Variants in GPM6A observed in about 807,000 individuals in gnomAD.
The protein encoded by GPM6A is glycoprotein M6A.
GPM6A carries 7 observed loss-of-function variants against 32.1 expected under a neutral mutation model. That is an observed-to-expected ratio of 0.22 (90% CI 0.12 to 0.41). The LOEUF (loss-of-function observed/expected upper bound fraction) is 0.41. Ranked by LOEUF, GPM6A falls within the 10% of genes least tolerant of loss-of-function variation. The pLI, the probability that GPM6A is intolerant of heterozygous loss-of-function variation, is 1.00. For synonymous variants in GPM6A, 130 were observed against 123.4 expected (o/e 1.05, Z -0.35); for missense variants, 235 against 347.2 (o/e 0.68, Z 2.57).
At chr4:175,869,306 G>A (rs1736831999) in intron 1 of GPM6A, among the ~76,000 whole-genome samples, 1 of 151,934 alleles carries the variant, frequency 6.6e-6, no homozygotes, top group African/African-American at 2.4e-5. Context: ...CTAATATTAT[G>A]TTGATCTGCT....
chr4:175,925,804 A>G lies in GPM6A; in HGVS notation c.-23+76505T>C, dbSNP rs1029543892. ...TAGTTGTCAAAATTTACAAATGTGT[A>G]TGTGTATGTATTTATACCCAGATTC... is the stretch of plus-strand genomic sequence containing the variant. On this transcript the variant is annotated intron_variant, in intron 1 of 7. Transcript: ENST00000280187. Among the ~76,000 whole-genome samples, 12 of 150,632 alleles carry G rather than the reference A, an allele frequency of 8.0e-5. No individual in the cohort carries two copies. In the East Asian group the frequency reaches 2.3e-3, roughly 29 times the overall value.
At chr4:175,682,827 A>G (rs1743762429) in intron 2 of GPM6A, among the ~76,000 whole-genome samples, 1 of 152,208 alleles carries the variant, frequency 6.6e-6, no homozygotes, top group Non-Finnish European at 1.5e-5. Flanking sequence ...AGGATGTATG[A>G]GAAAGCCTGG....
chr4:175,863,876 C>T (rs552885425), intron 1 of GPM6A, among the ~76,000 whole-genome samples: 1 of 152,202 alleles, frequency 6.6e-6, no homozygotes, highest in East Asian at 1.9e-4. Context: ...TGGCAGATGC[C>T]TGTAATCCCA....
At chr4:175,773,353 C>T (rs1733264212) in intron 1 of GPM6A, among the ~76,000 whole-genome samples, 2 of 152,120 alleles carry the variant, frequency 1.3e-5, no homozygotes, top group Non-Finnish European at 2.9e-5. Flanking sequence ...GAAATTATTT[C>T]CAGAATTCAC....
chr4:175,829,690 T>C (rs1440059760), intron 1 of GPM6A, among the ~76,000 whole-genome samples: 3 of 146,912 alleles, frequency 2.0e-5, no homozygotes, highest in Non-Finnish European at 4.5e-5. Flanking sequence ...ATATATTACA[T>C]ATATGTATAT....
intron 3 of GPM6A, among the ~76,000 whole-genome samples, chr4:175,653,385 C>T (rs1009061535): frequency 6.6e-6 from 1 of 152,084 alleles, no homozygotes; most frequent in Admixed American, 6.6e-5. Flanking sequence ...ATTGTTTTAT[C>T]TCATCTCAAC....
At chr4:175,930,434 GTTTT>G (rs66737053) in intron 1 of GPM6A, among the ~76,000 whole-genome samples, 1 of 106,840 alleles carries the variant, frequency 9.4e-6, no homozygotes, top group African/African-American at 2.6e-5. Flanking sequence ...TTGGGGGGGG[GTTTT>G]TTTGTTGTTG....
intron 1 of GPM6A, among the ~76,000 whole-genome samples, chr4:175,877,558 A>G (rs1737123800): frequency 6.6e-6 from 1 of 152,096 alleles, no homozygotes; most frequent in Non-Finnish European, 1.5e-5. Context: ...GTGAAAGGGG[A>G]AGACCCTTAT....
intron 1 of GPM6A, among the ~76,000 whole-genome samples, chr4:175,943,814 T>G (rs757995031): frequency 6.6e-6 from 1 of 152,222 alleles, no homozygotes; most frequent in Non-Finnish European, 1.5e-5. Flanking sequence ...GCATCGATGT[T>G]CATCAGGGAT....
intron 1 of GPM6A, among the ~76,000 whole-genome samples, chr4:175,910,568 T>G (rs1738283324): frequency 6.6e-6 from 1 of 152,256 alleles, no homozygotes; most frequent in South Asian, 2.1e-4. Flanking sequence ...ACATGGAATA[T>G]ATATAAAGCA....
chr4:175,981,956 C>T (rs1435072663), intron 1 of GPM6A, among the ~76,000 whole-genome samples: 1 of 151,738 alleles, frequency 6.6e-6, no homozygotes, highest in African/African-American at 2.4e-5. Flanking sequence ...AAAACTATTC[C>T]CATAGGTGTA....
intron 1 of GPM6A, among the ~76,000 whole-genome samples, chr4:175,951,386 G>A (rs73873513): frequency 0.055 from 8,311 of 152,246 alleles, 704 homozygotes; most frequent in African/African-American, 0.19. Context: ...TTCCCATGAT[G>A]TCCATATGAT....
At chr4:175,769,028 G>C (rs1051801416) in intron 1 of GPM6A, among the ~76,000 whole-genome samples, 2 of 152,102 alleles carry the variant, frequency 1.3e-5, no homozygotes, top group Admixed American at 1.3e-4. Flanking sequence ...CCGGGAGGTG[G>C]AGGTTGCAGA....
chr4:175,980,813 G>C (rs754169747), intron 1 of GPM6A, among the ~76,000 whole-genome samples: 13 of 152,276 alleles, frequency 8.5e-5, no homozygotes, highest in Non-Finnish European at 1.8e-4. Context: ...CAGTACACCA[G>C]CTCAGCAGGC....
At chr4:175,815,357 A>G (rs1324032874), upstream of GPM6A, among the ~76,000 whole-genome samples, 2 of 152,200 alleles carry the variant, frequency 1.3e-5, no homozygotes, top group Non-Finnish European at 2.9e-5. Flanking sequence ...ATTTTTTAAA[A>G]TTTGGATCTC....
chr4:175,799,776 G>A (rs1377092744), intron 1 of GPM6A, among the ~76,000 whole-genome samples: 2 of 140,036 alleles, frequency 1.4e-5, no homozygotes, highest in Non-Finnish European at 3.1e-5. Flanking sequence ...CCGGGTTCAC[G>A]CCATTCTCCT....
intron 1 of GPM6A, among the ~76,000 whole-genome samples, chr4:175,853,488 G>A (rs1488199808): frequency 1.4e-5 from 2 of 143,344 alleles, no homozygotes; most frequent in Non-Finnish European, 3.0e-5. Flanking sequence ...ACAATAATTG[G>A]GAATTCAAAC....
At chr4:175,876,667 G>A (rs561803796) in intron 1 of GPM6A, among the ~76,000 whole-genome samples, 1 of 152,188 alleles carries the variant, frequency 6.6e-6, no homozygotes, top group Non-Finnish European at 1.5e-5. Flanking sequence ...GCTTTAACAT[G>A]AAAGTGGGAA....
chr4:175,976,258 G>T (rs1205850050), intron 1 of GPM6A, among the ~76,000 whole-genome samples: 1 of 150,078 alleles, frequency 6.7e-6, no homozygotes, highest in Non-Finnish European at 1.5e-5. Flanking sequence ...CGCCTCCCAA[G>T]TTCACGCCAT....
Sources: gnomAD v4.1 joint callset for allele counts (sites outside exome capture counted in the v4.1 genomes callset) on GRCh38, gnomAD v4.1.1 for gene constraint, MANE v1.5 for transcripts, NCBI Gene and HGNC (gene_info 2026-07-23, HGNC 2026-07-21) for gene names.